Variants in ELSPBP1 observed in about 807,000 individuals in gnomAD.
The protein encoded by ELSPBP1 is epididymal sperm-binding protein 1.
ELSPBP1 carries 38 observed loss-of-function variants against 33.3 expected under a neutral mutation model. The observed-to-expected ratio is 1.14, with a 90% CI of 0.88 to 1.50. The LOEUF (loss-of-function observed/expected upper bound fraction) is 1.50, where lower values mean the gene tolerates loss of function less well. Ranked by LOEUF, ELSPBP1 falls within the 40% of genes most tolerant of loss-of-function variation. The pLI, the probability that ELSPBP1 is intolerant of heterozygous loss-of-function variation, is 0.00. For synonymous variants in ELSPBP1, 85 were observed against 94.1 expected, an observed-to-expected ratio of 0.90 and a Z score of 0.56; for missense variants, 267 against 263.5, an observed-to-expected ratio of 1.01 and a Z score of -0.09.
At chr19:47,998,064 A>C (rs1555733752) in intron 1 of ELSPBP1, among the ~76,000 whole-genome samples, 39 of 152,162 alleles carry the variant, frequency 2.6e-4, no homozygotes, top group Non-Finnish European at 1.5e-5. Flanking sequence ...TAGTGTCACC[A>C]TCTTTTCGTT....
intron 5 of ELSPBP1, among the ~76,000 whole-genome samples, chr19:48,021,542 C>T (rs947942896): frequency 6.6e-6 from 1 of 151,842 alleles, no homozygotes; most frequent in African/African-American, 2.4e-5. Flanking sequence ...TGGGTTCAAG[C>T]GATTCTTCTG....
At chr19:47,997,730 T>C (rs935531377) in intron 1 of ELSPBP1, among the ~76,000 whole-genome samples, 1 of 152,216 alleles carries the variant, frequency 6.6e-6, no homozygotes, top group East Asian at 1.9e-4. Context: ...TTTTGATACA[T>C]GCAGACAGTA....
At chr19:48,003,385 G>C (rs889645357) in intron 1 of ELSPBP1, among the ~76,000 whole-genome samples, 2 of 152,122 alleles carry the variant, frequency 1.3e-5, no homozygotes, top group Non-Finnish European at 2.9e-5. Context: ...CGAGTGCAAA[G>C]GCCTTGAGGT....
chr19:48,011,727 G>C lies in ELSPBP1; in HGVS notation c.71-2444G>C, dbSNP rs1240426146. 6.6e-6 allele frequency among the ~76,000 whole-genome samples: 1 copy of C among 152,004 alleles called. No individual in the cohort carries two copies. Among genetic ancestry groups the C allele is most frequent in the African/African-American group, 2.4e-5 (1 of 41,384 alleles). On this transcript the variant is annotated intron_variant, in intron 2 of 6. Coordinates refer to ENST00000339841, the MANE Select transcript of ELSPBP1 (RefSeq NM_022142.5). The surrounding 1 kb of genome is among the most constrained non-coding windows in gnomAD (Gnocchi z 4.5). ...TCATGACAATGATGATGAGCATTAT[G>C]ATGATGCCAATGACAATAGCGTGGA...
chr19:48,006,060 C>T (rs1171027497), intron 1 of ELSPBP1, among the ~76,000 whole-genome samples: 1 of 151,974 alleles, frequency 6.6e-6, no homozygotes, highest in Non-Finnish European at 1.5e-5. Flanking sequence ...TCCTGGGCTC[C>T]AGTGATCCTC....
At chr19:48,014,362 A>G (rs1376854383) in intron 3 of ELSPBP1, 54 bp downstream of exon 3, 10 of 1,582,252 alleles carry the variant, frequency 6.3e-6, no homozygotes, top group African/African-American at 1.3e-5. Flanking sequence ...GTGGATCACA[A>G]AAGAGAATGT....
chr19:48,022,051 A>C (rs1156704531), intron 5 of ELSPBP1, 119 bp from the exon 6 acceptor site: 1 of 861,452 alleles, frequency 1.2e-6, no homozygotes, highest in Non-Finnish European at 1.8e-6. Flanking sequence ...CTGGGATTAA[A>C]GGCGCGAACC....
chr19:47,997,062 C>T (rs1035619079), intron 1 of ELSPBP1, among the ~76,000 whole-genome samples: 3 of 152,144 alleles, frequency 2.0e-5, no homozygotes, highest in Admixed American at 1.3e-4. Flanking sequence ...CTGTGAAGTA[C>T]CTTATTAAAT....
In ELSPBP1 at chr19:47,998,429, C is replaced by A. The variant is rs188918416; in HGVS notation, c.-18+3618C>A. On this transcript the variant is annotated intron_variant, in intron 1 of 6. Coordinates refer to ENST00000339841, the MANE Select transcript of ELSPBP1 (RefSeq NM_022142.5). The stretch of plus-strand genomic sequence containing the variant: ...CCATCTCAAAAAAAAGAAAAAAAAT[C>A]AATCAATCAATCAATCAATCTCAGG... 4.7e-3 allele frequency among the ~76,000 whole-genome samples: 704 copies of A among 151,204 alleles called. 6 individuals carry two copies. Among genetic ancestry groups the A allele is most frequent in the African/African-American group, 0.016 (672 of 41,160 alleles).
At chr19:48,019,385 C>T (rs1967174086) in intron 4 of ELSPBP1, among the ~76,000 whole-genome samples, 1 of 152,116 alleles carries the variant, frequency 6.6e-6, no homozygotes, top group Non-Finnish European at 1.5e-5. Flanking sequence ...ATTTATGTAA[C>T]TAGCTTTTCT....
At chr19:48,009,964 G>A (rs1343261881) in intron 2 of ELSPBP1, among the ~76,000 whole-genome samples, 4 of 152,174 alleles carry the variant, frequency 2.6e-5, no homozygotes, top group Non-Finnish European at 4.4e-5. Flanking sequence ...TATCAAGAGA[G>A]TCTGGAGGAC....
intron 1 of ELSPBP1, among the ~76,000 whole-genome samples, chr19:48,000,231 G>A (rs1344711096): frequency 5.3e-5 from 1 of 18,960 alleles, no homozygotes; most frequent in African/African-American, 2.7e-4. Context: ...CAAAAATCCT[G>A]CCCCCTCCCC....
At chr19:47,998,446 A>G (rs1353159817) in intron 1 of ELSPBP1, among the ~76,000 whole-genome samples, 1 of 151,658 alleles carries the variant, frequency 6.6e-6, no homozygotes, top group Non-Finnish European at 1.5e-5. Context: ...TCAATCAATC[A>G]ATCTCAGGGA....
At chr19:48,012,106 G>A (rs1967085802) in intron 2 of ELSPBP1, among the ~76,000 whole-genome samples, 1 of 152,026 alleles carries the variant, frequency 6.6e-6, no homozygotes, top group South Asian at 2.1e-4. Context: ...GCAGAACACC[G>A]TTTTTGTTTT....
rs114140282 is a variant in ELSPBP1, at chr19:48,023,227, G to A, written c.*7+893G>A. Among the ~76,000 whole-genome samples the A allele has an allele frequency of 3.6e-3, 453 of 126,414 alleles. 2 individuals carry two copies. Among genetic ancestry groups the A allele is most frequent in the African/African-American group, 0.013 (432 of 33,298 alleles). The allele number at this position is 126,414 out of a possible 152,430, so 82.9% of individuals were successfully genotyped here. A position where few individuals can be genotyped will look rare whatever the true frequency, so the allele number is the denominator to read the frequency against. The stretch of plus-strand genomic sequence containing the variant: ...AAGGAAGGAGGGAAGGAAGGAGGGA[G>A]GGAAGGAAGAAAGAGGAAAGAAAGG... On this transcript the variant is annotated intron_variant, in intron 6 of 6. Coordinates refer to ENST00000339841, the MANE Select transcript of ELSPBP1 (RefSeq NM_022142.5).
intron 5 of ELSPBP1, 126 bp downstream of exon 5, chr19:48,020,003 C>A: frequency 1.0e-6 from 1 of 978,504 alleles, no homozygotes; most frequent in South Asian, 1.8e-5. Context: ...GGTGATGAAT[C>A]CGGCAGACAG....
chr19:48,010,116 G>A (rs1428145692), intron 2 of ELSPBP1, among the ~76,000 whole-genome samples: 1 of 152,148 alleles, frequency 6.6e-6, no homozygotes, highest in Non-Finnish European at 1.5e-5. Flanking sequence ...GTGTAGCAGT[G>A]CATTTGGGAG....
chr19:47,998,976 T>C (rs1966940285), intron 1 of ELSPBP1, among the ~76,000 whole-genome samples: 1 of 152,118 alleles, frequency 6.6e-6, no homozygotes, highest in Admixed American at 6.5e-5. Flanking sequence ...GGTCCAGCCA[T>C]GTGGCCCTCC....
intron 1 of ELSPBP1, among the ~76,000 whole-genome samples, chr19:47,998,383 C>A (rs550803845): frequency 1.3e-5 from 2 of 151,604 alleles, no homozygotes; most frequent in Admixed American, 1.3e-4. Context: ...TACACTCTAG[C>A]CTGAGTGACA....
Sources: allele counts gnomAD v4.1 joint callset (sites outside exome capture counted in the v4.1 genomes callset), GRCh38; gene constraint gnomAD v4.1.1; non-coding constraint Gnocchi (gnomAD v3.1); transcripts MANE v1.5; gene names NCBI Gene and HGNC (gene_info 2026-07-23, HGNC 2026-07-21).